CGRRF1: variants seen among roughly 807,000 people sequenced by gnomAD.
The protein encoded by CGRRF1 is cell growth regulator with ring finger domain 1, also known as cell growth regulator with RING finger domain protein 1.
Under a neutral mutation model 37.2 loss-of-function variants are expected in CGRRF1, and 32 were observed. That is an observed-to-expected ratio of 0.86 (90% CI 0.65 to 1.16). The LOEUF (loss-of-function observed/expected upper bound fraction) is 1.16, where lower values mean the gene tolerates loss of function less well. Ranked by LOEUF, CGRRF1 falls within the 50% of genes most tolerant of loss-of-function variation. The pLI is 0.00. For missense variants in CGRRF1, 391 were observed against 382.6 expected (o/e 1.02, Z -0.18); for synonymous variants, 141 against 140.3 (o/e 1.00, Z -0.04).
At chr14:54,517,526 TG>T (rs1272144334) in intron 1 of CGRRF1, among the ~76,000 whole-genome samples, 6 of 152,252 alleles carry the variant, frequency 3.9e-5, no homozygotes, top group Admixed American at 6.5e-5. Flanking sequence ...CGTTTTGTTT[TG>T]TTACTTTTCT....
At chr14:54,527,369 A>T (rs1000299173) in intron 2 of CGRRF1, among the ~76,000 whole-genome samples, 7 of 152,322 alleles carry the variant, frequency 4.6e-5, no homozygotes, top group African/African-American at 1.4e-4. Context: ...CTAAATGACG[A>T]GTTAATGGGT....
chr14:54,530,046 C>A lies in CGRRF1; in HGVS notation c.245-3C>A. The A allele has an allele frequency of 1.3e-6, 2 of 1,599,202 alleles. No homozygotes were observed. The highest frequency in any genetic ancestry group is 2.2e-5 in the South Asian group (2 of 90,204). Reference sequence around the variant, plus strand: ...TTCATTCTTTCTCCTTTGTTTTTTACAGCTGGCATAACCTTGACAACAGAT... The same window carrying A: ...TTCATTCTTTCTCCTTTGTTTTTTAAAGCTGGCATAACCTTGACAACAGAT... On this transcript the variant is annotated splice_polypyrimidine_tract_variant and splice_region_variant and intron_variant, in intron 2 of 5. Coordinates refer to ENST00000216420, the MANE Select transcript of CGRRF1 (RefSeq NM_006568.3).
At chr14:54,513,827 A>G (rs913102528) in intron 1 of CGRRF1, among the ~76,000 whole-genome samples, 1 of 152,118 alleles carries the variant, frequency 6.6e-6, no homozygotes, top group African/African-American at 2.4e-5. Flanking sequence ...TTAGCCAGGC[A>G]TGGTGGCAGG....
chr14:54,522,033 G>A (rs1205524780), intron 1 of CGRRF1, among the ~76,000 whole-genome samples: 1 of 152,030 alleles, frequency 6.6e-6, no homozygotes, highest in Non-Finnish European at 1.5e-5. Context: ...TTGATTCTAG[G>A]ATACCCACCC....
In CGRRF1 at chr14:54,538,371, G is replaced by A. The variant is rs142726606; in HGVS notation, c.987G>A (p.Pro329=). 4.3e-3 allele frequency: 6,927 copies of A among 1,606,648 alleles called. 73 individuals are homozygous for A. The highest frequency in any genetic ancestry group is 9.4e-3 in the Middle Eastern group (57 of 6,042). The change falls in exon 6 of 6, where the codon CCG becomes CCA. Residue 329 remains proline (P), a synonymous_variant. Transcript: ENST00000216420. ...CSQKEQDKDK[P]KTL ...AAAAAGAGCAAGATAAAGACAAACC[G>A]AAGACTCTTTGAAGACATCGTAACA... is the stretch of plus-strand genomic sequence containing the variant.
chr14:54,525,030 G>C (rs2032389713), intron 2 of CGRRF1, among the ~76,000 whole-genome samples: 1 of 152,140 alleles, frequency 6.6e-6, no homozygotes, highest in Non-Finnish European at 1.5e-5. Flanking sequence ...CTGGGTGACA[G>C]AGTGAGACTC....
chr14:54,525,957 G>A (rs111854549), intron 2 of CGRRF1, among the ~76,000 whole-genome samples: 49 of 151,964 alleles, frequency 3.2e-4, no homozygotes, highest in Non-Finnish European at 6.2e-4. Flanking sequence ...TTAGCTGGGC[G>A]TGGTGGCACA....
intron 2 of CGRRF1, among the ~76,000 whole-genome samples, chr14:54,529,724 T>G (rs1395238730): frequency 6.6e-6 from 1 of 152,208 alleles, no homozygotes; most frequent in Admixed American, 6.5e-5. Flanking sequence ...TTATCAATAG[T>G]GAACTGTATT....
At chr14:54,511,239 C>T (rs769551149) in intron 1 of CGRRF1, among the ~76,000 whole-genome samples, 1 of 152,206 alleles carries the variant, frequency 6.6e-6, no homozygotes, top group Non-Finnish European at 1.5e-5. Context: ...CCTGTCCACA[C>T]TGCTCCTCAC....
intron 4 of CGRRF1, chr14:54,536,660 A>G (rs2032605835): frequency 6.6e-6 from 1 of 151,968 alleles, no homozygotes; most frequent in Non-Finnish European, 1.5e-5. Context: ...CTTTTTATGA[A>G]TTGTCCGTTC....
rs893868224 is a variant in CGRRF1, at chr14:54,538,264, C to G, written c.880C>G (p.Leu294Val). The G allele has an allele frequency of 2.5e-6, 4 of 1,613,708 alleles. No homozygotes were observed. The highest frequency in any genetic ancestry group is 3.4e-6 in the Non-Finnish European group (4 of 1,179,750). Reference protein sequence around the residue: ...WVLLPCRHTCLCDGCVKYFQQ... With the variant: ...WVLLPCRHTCVCDGCVKYFQQ... ...ACTCTTACCATGCAGACACACATGC[C>G]TGTGTGATGGCTGTGTGAAGTATTT... Residue 294 changes from leucine (L) to valine (V), a missense_variant, in exon 6 of 6, where the codon CTG becomes GTG. Physicochemically the swap from Leu to Val is conservative, Grantham distance 32. Transcript: ENST00000216420.
At chr14:54,515,351 C>T (rs913666595) in intron 1 of CGRRF1, among the ~76,000 whole-genome samples, 4 of 151,834 alleles carry the variant, frequency 2.6e-5, no homozygotes, top group Middle Eastern at 3.2e-3. Context: ...GATGACCTCC[C>T]GAAGTGCTGG....
chr14:54,517,074 A>G (rs2140055583), intron 1 of CGRRF1, among the ~76,000 whole-genome samples: 1 of 152,332 alleles, frequency 6.6e-6, no homozygotes, highest in East Asian at 1.9e-4. Flanking sequence ...AACATATGGA[A>G]TATAGTCCTA....
At chr14:54,535,070 T>C (rs2032578380) in intron 4 of CGRRF1, among the ~76,000 whole-genome samples, 1 of 152,132 alleles carries the variant, frequency 6.6e-6, no homozygotes, top group African/African-American at 2.4e-5. Context: ...ATATTTTAAA[T>C]CAATGATTTG....
Position 54,509,939 on chromosome 14 carries a change from T to C in CGRRF1, c.-21T>C. 1 of 1,583,128 alleles carries C rather than the reference T, an allele frequency of 6.3e-7. No individual in the cohort carries two copies. Among genetic ancestry groups the C allele is most frequent in the Non-Finnish European group, 8.7e-7 (1 of 1,151,936 alleles). On this transcript the variant is annotated 5_prime_UTR_variant, in exon 1 of 6. Coordinates refer to ENST00000216420, the MANE Select transcript of CGRRF1 (RefSeq NM_006568.3). ...CTGGGCTCCGCGGCTGGAGCCGGGC[T>C]CTACCCAGAGCAAGACCCTGATGGC...
At chr14:54,524,940 G>A (rs1040325869) in intron 2 of CGRRF1, among the ~76,000 whole-genome samples, 1 of 152,122 alleles carries the variant, frequency 6.6e-6, no homozygotes, top group Non-Finnish European at 1.5e-5. Flanking sequence ...CCAGCTACTC[G>A]GGAGGATGAG....
At chr14:54,511,479 A>G (rs2032129318) in intron 1 of CGRRF1, among the ~76,000 whole-genome samples, 1 of 152,248 alleles carries the variant, frequency 6.6e-6, no homozygotes, top group African/African-American at 2.4e-5. Flanking sequence ...AGATTTTTAA[A>G]TGACTATAAT....
intron 2 of CGRRF1, among the ~76,000 whole-genome samples, chr14:54,528,919 G>A (rs1380234244): frequency 6.6e-6 from 1 of 151,996 alleles, no homozygotes; most frequent in Non-Finnish European, 1.5e-5. Flanking sequence ...ATCAGTTTTT[G>A]GTATCCTGTG....
chr14:54,528,018 G>A (rs917260289), intron 2 of CGRRF1, among the ~76,000 whole-genome samples: 2 of 152,082 alleles, frequency 1.3e-5, no homozygotes, highest in Admixed American at 6.6e-5. Flanking sequence ...TGGAATTACA[G>A]GCATGAAACA....
Sources: allele counts gnomAD v4.1 joint callset (sites outside exome capture counted in the v4.1 genomes callset), GRCh38; gene constraint gnomAD v4.1.1; transcripts MANE v1.5; gene names NCBI Gene and HGNC (gene_info 2026-07-23, HGNC 2026-07-21).